Variants in SOX5 observed in about 807,000 individuals in gnomAD.
SOX5 encodes the protein SRY-box transcription factor 5, also known as transcription factor SOX-5.
SOX5 carries 9 observed loss-of-function variants against 92.0 expected under a neutral mutation model. The observed-to-expected ratio is 0.10, with a 90% CI of 0.06 to 0.17. SOX5 has a LOEUF of 0.17. Ranked by LOEUF, SOX5 falls within the 10% of genes least tolerant of loss-of-function variation. The pLI is 1.00. For synonymous variants in SOX5, 344 were observed against 336.3 expected, an observed-to-expected ratio of 1.02 and a Z score of -0.25; for missense variants, 642 against 944.5, an observed-to-expected ratio of 0.68 and a Z score of 4.20.
intron 4 of SOX5, among the ~76,000 whole-genome samples, chr12:24,091,744 A>G (rs564382687): frequency 3.9e-5 from 6 of 152,284 alleles, no homozygotes; most frequent in East Asian, 1.9e-4. Flanking sequence ...TTTAAGAGAC[A>G]CCAATCATTA....
intron 3 of SOX5, among the ~76,000 whole-genome samples, chr12:23,827,953 G>A (rs1387105566): frequency 6.6e-6 from 1 of 151,904 alleles, no homozygotes; most frequent in Non-Finnish European, 1.5e-5. Flanking sequence ...CAACATTTGG[G>A]AATTTATTAT....
At chr12:24,285,446 A>G (rs1233355295) in intron 2 of SOX5, among the ~76,000 whole-genome samples, 2 of 152,120 alleles carry the variant, frequency 1.3e-5, no homozygotes, top group Non-Finnish European at 1.5e-5. Flanking sequence ...TTCTTATTCT[A>G]TACCTTTTGT....
At chr12:24,446,626 G>A (rs1012650574) in intron 1 of SOX5, among the ~76,000 whole-genome samples, 18 of 152,166 alleles carry the variant, frequency 1.2e-4, no homozygotes, top group African/African-American at 4.3e-4. Flanking sequence ...CTGTTCAGAG[G>A]ACTGACTCTA....
chr12:23,972,786 T>A (rs1948490160), intron 4 of SOX5, among the ~76,000 whole-genome samples: 1 of 152,224 alleles, frequency 6.6e-6, no homozygotes, highest in South Asian at 2.1e-4. Context: ...AATTAACATG[T>A]CCATCAACCC....
At chr12:24,299,685 G>A (rs1484366832) in intron 2 of SOX5, among the ~76,000 whole-genome samples, 1 of 152,100 alleles carries the variant, frequency 6.6e-6, no homozygotes, top group Admixed American at 6.5e-5. Context: ...GCTCATGAAC[G>A]TGAATTCATT....
At chr12:24,490,061 A>T (rs1946894752) in intron 1 of SOX5, among the ~76,000 whole-genome samples, 1 of 152,234 alleles carries the variant, frequency 6.6e-6, no homozygotes, top group Admixed American at 6.5e-5. Flanking sequence ...CACAAGTCTT[A>T]CTGCAGTGGA....
At chr12:23,610,778 T>C (rs2075855923) in intron 8 of SOX5, among the ~76,000 whole-genome samples, 2 of 152,042 alleles carry the variant, frequency 1.3e-5, no homozygotes, top group Admixed American at 6.6e-5. Context: ...CAAAGTAAAT[T>C]AATAACCTCA....
intron 1 of SOX5, among the ~76,000 whole-genome samples, chr12:24,420,718 G>T (rs1262784829): frequency 7.9e-5 from 12 of 152,000 alleles, no homozygotes; most frequent in African/African-American, 2.9e-4. Context: ...GATATAATTA[G>T]GTTATTTCTA....
chr12:23,828,347 T>G, intron 3 of SOX5, among the ~76,000 whole-genome samples: 1 of 149,008 alleles, frequency 6.7e-6, no homozygotes, highest in East Asian at 1.9e-4. Context: ...CACACACACA[T>G]GTATGTGTAT....
intron 6 of SOX5, among the ~76,000 whole-genome samples, chr12:23,676,579 C>T (rs1036531312): frequency 1.6e-4 from 23 of 145,966 alleles, no homozygotes; most frequent in African/African-American, 5.6e-4. Flanking sequence ...TGTGAAACAG[C>T]GAAGCTAGGG....
intron 2 of SOX5, among the ~76,000 whole-genome samples, chr12:24,363,301 G>A (rs774283979): frequency 1.4e-4 from 21 of 151,802 alleles, no homozygotes; most frequent in African/African-American, 2.2e-4. Context: ...TAATAGTTTC[G>A]CCTTCCCCTC....
chr12:24,347,381 A>ATGAC (rs1373837667), intron 2 of SOX5, among the ~76,000 whole-genome samples: 1 of 152,184 alleles, frequency 6.6e-6, no homozygotes, highest in Non-Finnish European at 1.5e-5. Context: ...ATAACCAGGG[A>ATGAC]TGACTACACA....
chr12:23,775,887 G>T (rs536185062), intron 3 of SOX5, among the ~76,000 whole-genome samples: 2 of 152,156 alleles, frequency 1.3e-5, no homozygotes, highest in South Asian at 4.1e-4. Context: ...CTAACGCCAC[G>T]GTCTCCAACC....
In SOX5 at chr12:23,564,979, G is replaced by A. The variant is rs890009689; in HGVS notation, c.1343-1576C>T. ...CATGCCTCTTCCCCTGTTAGTATGC[G>A]CAGAGTAGACCTGGTCCTCTGATCT... On this transcript the variant is annotated intron_variant, in intron 10 of 14. Transcript: ENST00000451604. Among the ~76,000 whole-genome samples, 8 of 152,298 alleles carry A rather than the reference G, an allele frequency of 5.3e-5. No individual in the cohort carries two copies. In the East Asian group the frequency reaches 5.8e-4, roughly 11 times the overall value.
chr12:24,302,901 C>T (rs1375942320), intron 2 of SOX5, among the ~76,000 whole-genome samples: 1 of 151,832 alleles, frequency 6.6e-6, no homozygotes, highest in African/African-American at 2.4e-5. Flanking sequence ...TTGCTGACTT[C>T]ACATTAGTTA....
intron 4 of SOX5, among the ~76,000 whole-genome samples, chr12:24,063,524 A>C (rs1052595599): frequency 1.3e-5 from 2 of 152,198 alleles, no homozygotes. Context: ...ACTTGTCATA[A>C]GTTTCTGGAA....
In SOX5 at chr12:24,264,469, C is replaced by T. The variant is rs1942721903; in HGVS notation, c.-77+12747G>A. Among the ~76,000 whole-genome samples the T allele has an allele frequency of 2.0e-5, 3 of 152,046 alleles. No homozygotes were observed. The South Asian group carries it at 6.2e-4, about 31-fold the overall frequency. ...TAAAACTCACTTATTTAAACCTCAC[C>T]GTCTGAGGTGTGTTGAACAATGGAA... On this transcript the variant is annotated intron_variant, in intron 3 of 4. Coordinates refer to the SOX5 transcript ENST00000446891.
At chr12:23,904,444 C>T (rs1191794877) in intron 1 of SOX5, among the ~76,000 whole-genome samples, 2 of 151,970 alleles carry the variant, frequency 1.3e-5, no homozygotes, top group Admixed American at 6.6e-5. Context: ...TAGAAAAAGA[C>T]AACATAGAAT....
intron 4 of SOX5, among the ~76,000 whole-genome samples, chr12:24,141,176 T>C (rs1256995626): frequency 6.6e-6 from 1 of 152,184 alleles, no homozygotes; most frequent in Admixed American, 6.5e-5. Context: ...AAACAAGGTA[T>C]ATATGGAATG....
Sources: allele counts gnomAD v4.1 joint callset (sites outside exome capture counted in the v4.1 genomes callset), GRCh38; gene constraint gnomAD v4.1.1; transcripts MANE v1.5; gene names NCBI Gene and HGNC (gene_info 2026-07-23, HGNC 2026-07-21).